Variants in MYO5B observed in about 807,000 individuals in gnomAD.
MYO5B encodes the protein unconventional myosin-Vb.
MYO5B carries 143 observed loss-of-function variants against 229.3 expected under a neutral mutation model. The ratio of observed to expected loss-of-function variants is 0.62; its 90% CI spans 0.54 to 0.72. MYO5B has a LOEUF of 0.72. Among genes scored for constraint, MYO5B ranks in the 30% least tolerant of loss-of-function variants. MYO5B has a pLI of 0.00. For missense variants in MYO5B, 2,321 were observed against 2,331.0 expected (o/e 1.00, Z 0.09); for synonymous variants, 918 against 885.2 (o/e 1.04, Z -0.66).
intron 4 of MYO5B, among the ~76,000 whole-genome samples, chr18:50,006,727 T>C (rs17659350): frequency 0.22 from 33,575 of 152,124 alleles, 3,984 homozygotes; most frequent in Non-Finnish European, 0.27. Context: ...TCCTCATTTC[T>C]GGGTGGTGCC....
intron 10 of MYO5B, chr18:49,971,087 T>C (rs2025686503): frequency 6.6e-6 from 1 of 152,194 alleles, no homozygotes; most frequent in Non-Finnish European, 1.5e-5. Flanking sequence ...GGTCTTCTCC[T>C]CCAGGGTTTG....
chr18:50,069,864 C>T (rs34812180), intron 1 of MYO5B, among the ~76,000 whole-genome samples: 92 of 152,256 alleles, frequency 6.0e-4, no homozygotes, highest in Non-Finnish European at 1.1e-3. Flanking sequence ...TCCAACCAAT[C>T]ACCAAGACCT....
At chr18:49,942,368 G>A (rs2025323675) in intron 14 of MYO5B, among the ~76,000 whole-genome samples, 1 of 120,102 alleles carries the variant, frequency 8.3e-6, no homozygotes, top group African/African-American at 3.3e-5. Context: ...AAACTAAAGA[G>A]CTTCTGCACA....
intron 3 of MYO5B, among the ~76,000 whole-genome samples, chr18:50,038,418 C>T (rs1001343589): frequency 6.6e-6 from 1 of 152,174 alleles, no homozygotes; most frequent in Admixed American, 6.5e-5. Context: ...CACTCAAGTC[C>T]TCTTGAAAGA....
chr18:50,063,515 C>A lies in MYO5B; in HGVS notation c.28-8137G>T, dbSNP rs371968443. ...GTATGCAGAGCACCAGGAGAAAGAA[C>A]TATAACATAATATACACAGACGGGG... is the stretch of plus-strand genomic sequence containing the variant. On this transcript the variant is annotated intron_variant, in intron 1 of 39. Coordinates refer to ENST00000285039, the MANE Select transcript of MYO5B (RefSeq NM_001080467.3). Among the ~76,000 whole-genome samples the A allele has an allele frequency of 5.9e-5, 9 of 152,232 alleles. No homozygotes were observed. The South Asian group carries it at 1.5e-3, about 25-fold the overall frequency.
At chr18:49,914,684 GCAGGAGAATCACTTGAAAC>G (rs1457071281) in intron 17 of MYO5B, among the ~76,000 whole-genome samples, 1 of 151,320 alleles carries the variant, frequency 6.6e-6, no homozygotes, top group East Asian at 1.9e-4. Flanking sequence ...GGAGGCTGAG[GCAGGAGAATCACTTGAAAC>G]CAGGAGGTGG....
Position 49,843,412 on chromosome 18 carries a change from C to T in MYO5B, c.4460-20G>A. The T allele has an allele frequency of 6.2e-7, 1 of 1,614,020 alleles. No homozygotes were observed. The highest frequency in any genetic ancestry group is 1.1e-5 in the South Asian group (1 of 91,082). On this transcript the variant is annotated intron_variant, in intron 33 of 39. Transcript: ENST00000285039. The stretch of plus-strand genomic sequence containing the variant: ...TCAAGTCTAAGGGCAACGAGAGCAG[C>T]AAATGGCAAGTTAGATCTATGGGGG...
At chr18:50,054,675 C>G (rs1316207684) in intron 2 of MYO5B, among the ~76,000 whole-genome samples, 3 of 152,078 alleles carry the variant, frequency 2.0e-5, no homozygotes, top group Non-Finnish European at 4.4e-5. Context: ...AAAGAAACAG[C>G]CTGAAGGTCA....
intron 18 of MYO5B, among the ~76,000 whole-genome samples, chr18:49,910,799 C>T (rs151318403): frequency 7.9e-5 from 12 of 152,204 alleles, no homozygotes; most frequent in East Asian, 7.7e-4. Flanking sequence ...ATAGATTTTC[C>T]GAACAGAAAA....
chr18:50,000,288 A>G (rs960904134), intron 5 of MYO5B, among the ~76,000 whole-genome samples: 8 of 152,198 alleles, frequency 5.3e-5, no homozygotes, highest in African/African-American at 1.9e-4. Context: ...ACCTGATGCT[A>G]TCTTGGCAGC....
intron 12 of MYO5B, among the ~76,000 whole-genome samples, chr18:49,961,984 A>G (rs1465849924): frequency 6.6e-6 from 1 of 152,218 alleles, no homozygotes; most frequent in South Asian, 2.1e-4. Context: ...GTCACCTGGG[A>G]CATCAAGTCC....
At chr18:50,194,178 A>C (rs1471481338) in intron 1 of MYO5B, among the ~76,000 whole-genome samples, 4 of 150,836 alleles carry the variant, frequency 2.7e-5, no homozygotes, top group African/African-American at 7.3e-5. Context: ...GCTTACCCTC[A>C]CTCCATCCAG....
chr18:49,830,117 A>G lies in MYO5B; in HGVS notation c.5395-3494T>C, dbSNP rs142253988. On this transcript the variant is annotated intron_variant, in intron 39 of 39. Transcript: ENST00000285039. ...AAAATGATCCTCTTGCAGACAACAT[A>G]TCTTACATGTAGAAAAACTGAAAGA... 2.9e-3 allele frequency among the ~76,000 whole-genome samples: 433 copies of G among 150,262 alleles called. 2 individuals are homozygous for G. The highest frequency in any genetic ancestry group is 0.01 in the African/African-American group (416 of 40,380).
At chr18:49,851,784 C>T (rs1394829236) in intron 31 of MYO5B, among the ~76,000 whole-genome samples, 3 of 152,200 alleles carry the variant, frequency 2.0e-5, no homozygotes. Flanking sequence ...CTTGTGTATA[C>T]ACTGTCTCCT....
intron 9 of MYO5B, among the ~76,000 whole-genome samples, chr18:49,980,086 G>A (rs1015097324): frequency 7.2e-5 from 11 of 152,170 alleles, no homozygotes; most frequent in African/African-American, 2.7e-4. Context: ...ACCAGGTACA[G>A]TGCCCTGTGC....
chr18:50,147,537 G>A (rs2032524178), intron 1 of MYO5B, among the ~76,000 whole-genome samples: 1 of 152,216 alleles, frequency 6.6e-6, no homozygotes, highest in Admixed American at 6.5e-5. Context: ...CTTTGTGCCA[G>A]ACACTATTCT....
chr18:50,154,812 T>C (rs1381764394), intron 1 of MYO5B, among the ~76,000 whole-genome samples: 2 of 152,222 alleles, frequency 1.3e-5, no homozygotes, highest in Admixed American at 6.5e-5. Context: ...TCAAGCTTCC[T>C]TCTCTGAAAA....
At chr18:49,874,102 C>T (rs1280753516) in intron 26 of MYO5B, among the ~76,000 whole-genome samples, 1 of 152,238 alleles carries the variant, frequency 6.6e-6, no homozygotes, top group African/African-American at 2.4e-5. Context: ...TCCCAACCCA[C>T]ACCTGCCTTT....
Position 49,974,493 on chromosome 18 carries a change from G to C in MYO5B, c.1179C>G (p.Ser393=). Residue 393 remains serine (S), a synonymous_variant, in exon 10 of 40, where the codon TCC becomes TCG. Transcript: ENST00000285039. ...TTSETYVKTM[S]LQQVINARNA... is the part of the protein sequence containing the mutation. The stretch of plus-strand genomic sequence containing the variant: ...TGCGCGCATTGATCACCTGCTGCAG[G>C]GACATGGTCTTGACGTAGGTCTCCG... 1.2e-6 allele frequency: 2 copies of C among 1,614,168 alleles called. No individual in the cohort carries two copies. The highest frequency in any genetic ancestry group is 1.7e-6 in the Non-Finnish European group (2 of 1,180,030).
Sources: allele counts gnomAD v4.1 joint callset (sites outside exome capture counted in the v4.1 genomes callset), GRCh38; gene constraint gnomAD v4.1.1; transcripts MANE v1.5; gene names NCBI Gene and HGNC (gene_info 2026-07-23, HGNC 2026-07-21).